The following GCH1 variants were observed in gnomAD, a reference collection of about 807,000 sequenced individuals.
GCH1 encodes GTP cyclohydrolase I.
A neutral mutation model predicts 25.9 loss-of-function variants in GCH1; 5 were observed. That is an observed-to-expected ratio of 0.19 (90% CI 0.10 to 0.41). GCH1 has a LOEUF of 0.41. Among genes scored for constraint, GCH1 ranks in the 10% least tolerant of loss-of-function variants. GCH1 has a pLI of 1.00. For synonymous variants in GCH1, 159 were observed against 129.6 expected, an observed-to-expected ratio of 1.23 and a Z score of -1.54; for missense variants, 261 against 336.5, an observed-to-expected ratio of 0.78 and a Z score of 1.75.
chr14:54,882,501 T>C (rs1171960979), intron 1 of GCH1, among the ~76,000 whole-genome samples: 6 of 152,230 alleles, frequency 3.9e-5, no homozygotes, highest in Non-Finnish European at 1.5e-5. Context: ...GTCTAAGGAA[T>C]CAAAACAGTG....
In GCH1 at chr14:54,902,315, A is replaced by G; in HGVS notation, c.343+6T>C. 1 of 1,611,752 alleles carries G rather than the reference A, an allele frequency of 6.2e-7. No homozygotes were observed. The highest frequency in any genetic ancestry group is 8.5e-7 in the Non-Finnish European group (1 of 1,179,610). ...GCACGCTCTAGCAGCCCGCGGGCGC[A>G]CTGACCTGAGATGGTCTCCTGGTAG... is the stretch of plus-strand genomic sequence containing the variant. On this transcript the variant is annotated splice_donor_region_variant and intron_variant, in intron 1 of 5. Coordinates refer to ENST00000491895, the MANE Select transcript of GCH1 (RefSeq NM_000161.3).
intron 1 of GCH1, among the ~76,000 whole-genome samples, chr14:54,886,568 C>T (rs957286061): frequency 6.6e-6 from 1 of 152,030 alleles, no homozygotes; most frequent in South Asian, 2.1e-4. Flanking sequence ...GCCGAGATCG[C>T]GCCACTGCAC....
At chr14:54,860,758 T>C (rs1484116188) in intron 2 of GCH1, among the ~76,000 whole-genome samples, 2 of 152,002 alleles carry the variant, frequency 1.3e-5, no homozygotes, top group South Asian at 2.1e-4. Flanking sequence ...CCAGGATGGT[T>C]TCGATCTCCT....
intron 2 of GCH1, among the ~76,000 whole-genome samples, chr14:54,860,469 CAGA>C (rs1379524750): frequency 5.9e-5 from 9 of 151,812 alleles, no homozygotes; most frequent in Non-Finnish European, 1.0e-4. Flanking sequence ...CCCTGCAGCA[CAGA>C]AGGTCTCCAC....
chr14:54,900,883 ACACAC>A (rs2040557051), intron 1 of GCH1, among the ~76,000 whole-genome samples: 1 of 151,136 alleles, frequency 6.6e-6, no homozygotes, highest in African/African-American at 2.4e-5. Flanking sequence ...ACACACACAC[ACACAC>A]AAATTTAAAG....
In GCH1 at chr14:54,842,984, G is replaced by A. The variant is rs867220379; in HGVS notation, c.*1033C>T. On this transcript the variant is annotated 3_prime_UTR_variant, in exon 6 of 6. Coordinates refer to ENST00000491895, the MANE Select transcript of GCH1 (RefSeq NM_000161.3). ...CGCTTTGGTTAAAACGTTGGACACA[G>A]CTCATAATGTCTTCCACCGTCAGTT... is the stretch of plus-strand genomic sequence containing the variant. 5.7e-5 allele frequency: 44 copies of A among 772,648 alleles called. No individual in the cohort carries two copies. The highest frequency in any genetic ancestry group is 5.0e-4 in the African/African-American group (29 of 58,450). The allele number at this position is 772,648 out of a possible 1,614,324, so 47.9% of individuals were successfully genotyped here.
chr14:54,902,222 A>C (rs2040576995), intron 1 of GCH1, 99 bp downstream of exon 1: 1 of 1,331,250 alleles, frequency 7.5e-7, no homozygotes, highest in Non-Finnish European at 1.0e-6. Context: ...CCTGCGCCAA[A>C]AGTGAGGCAA....
At chr14:54,856,014 T>C (rs2039805649) in intron 3 of GCH1, among the ~76,000 whole-genome samples, 1 of 131,222 alleles carries the variant, frequency 7.6e-6, no homozygotes, top group Non-Finnish European at 1.6e-5. Flanking sequence ...ATGTTGCTTT[T>C]ATAGTCAAAA....
chr14:54,844,276 T>TTATC, intron 5 of GCH1, 133 bp from the exon 6 acceptor site: 1 of 765,938 alleles, frequency 1.3e-6, no homozygotes, highest in Admixed American at 1.7e-5. Flanking sequence ...TACACAAATG[T>TTATC]TATCTATTAG....
chr14:54,878,014 T>A (rs1331199528), intron 1 of GCH1: 1 of 152,924 alleles, frequency 6.5e-6, no homozygotes, highest in Non-Finnish European at 1.5e-5. Context: ...TGTTTTGTGC[T>A]GCTACACAGA....
chr14:54,901,721 T>A (rs960596843), intron 1 of GCH1, among the ~76,000 whole-genome samples: 12 of 151,862 alleles, frequency 7.9e-5, no homozygotes, highest in Non-Finnish European at 1.8e-4. Flanking sequence ...CCCAAAATTG[T>A]GCCGAATTTT....
chr14:54,867,635 T>G (rs987324604), intron 1 of GCH1, among the ~76,000 whole-genome samples: 4 of 140,874 alleles, frequency 2.8e-5, no homozygotes, highest in Non-Finnish European at 4.6e-5. Context: ...CATCACTTAC[T>G]AGTTATTAGG....
In GCH1 at chr14:54,842,912, C is replaced by T. The variant is rs533048548; in HGVS notation, c.*1105G>A. 3.8e-5 allele frequency: 23 copies of T among 610,218 alleles called. No individual in the cohort carries two copies. The highest frequency in any genetic ancestry group is 2.8e-4 in the East Asian group (10 of 35,968). 37.8% of individuals were successfully genotyped at this position (610,218 alleles called of 1,614,324 possible). A position where few individuals can be genotyped will look rare whatever the true frequency, so the allele number is the denominator to read the frequency against. ...GACCCACATAGACCACAAAGGAAACCGGGACCAGAAGCTTCCAGTGCATTT... is the reference window on the plus strand; with the variant it reads ...GACCCACATAGACCACAAAGGAAACTGGGACCAGAAGCTTCCAGTGCATTT... On this transcript the variant is annotated 3_prime_UTR_variant, in exon 6 of 6. Transcript: ENST00000491895.
chr14:54,844,130 C>A lies in GCH1; in HGVS notation c.640G>T (p.Val214Leu). The change falls in exon 6 of 6, where the codon GTA becomes TTA. Residue 214 changes from valine (V) to leucine (L), a missense_variant. Val to Leu is a conservative substitution (Grantham distance 32). This residue lies in a region of GCH1 where 130 missense variants were observed against 184.1 expected (regional missense o/e 0.71). Coordinates refer to ENST00000491895, the MANE Select transcript of GCH1 (RefSeq NM_000161.3). ...TTCATTTTCTGTACACCTCGCATTA[C>A]CATACACATGTGTCTACAAAATAAG... ...VVVEATHMCM[V>L]MRGVQKMNSK... 1 of 1,611,198 alleles carries A rather than the reference C, an allele frequency of 6.2e-7. No individual in the cohort carries two copies. Among genetic ancestry groups the A allele is most frequent in the Non-Finnish European group, 8.5e-7 (1 of 1,177,310 alleles).
At chr14:54,882,259 C>T (rs182164010) in intron 1 of GCH1, among the ~76,000 whole-genome samples, 1 of 152,360 alleles carries the variant, frequency 6.6e-6, no homozygotes, top group Admixed American at 6.5e-5. Flanking sequence ...TCCTTCTGCC[C>T]CACTGCTCAG....
At chr14:54,856,641 T>C (rs1273132339) in intron 3 of GCH1, among the ~76,000 whole-genome samples, 2 of 151,986 alleles carry the variant, frequency 1.3e-5, no homozygotes, top group Non-Finnish European at 2.9e-5. Context: ...TTAGTAGAGA[T>C]GGGGTTTCAC....
chr14:54,879,331 G>A (rs2040208304), intron 1 of GCH1, among the ~76,000 whole-genome samples: 2 of 145,104 alleles, frequency 1.4e-5, no homozygotes, highest in South Asian at 2.1e-4. Context: ...TGAGGCACGA[G>A]AATCACTTGA....
intron 3 of GCH1, among the ~76,000 whole-genome samples, chr14:54,853,501 T>C (rs1380057328): frequency 1.3e-5 from 2 of 152,228 alleles, no homozygotes; most frequent in Non-Finnish European, 2.9e-5. Flanking sequence ...TAGAATTGCC[T>C]CATGCTTTCC....
intron 1 of GCH1, among the ~76,000 whole-genome samples, chr14:54,874,482 G>C (rs534261209): frequency 6.6e-5 from 10 of 152,312 alleles, no homozygotes; most frequent in Middle Eastern, 3.4e-3. Flanking sequence ...AGTGCTGGAA[G>C]TTCTGGCCAG....
Sources: gnomAD v4.1 joint callset for allele counts (sites outside exome capture counted in the v4.1 genomes callset) on GRCh38, gnomAD v4.1.1 for gene constraint, gnomAD v4.1.1 regional missense constraint, MANE v1.5 for transcripts, NCBI Gene and HGNC (gene_info 2026-07-23, HGNC 2026-07-21) for gene names.